OR5T1: variants seen among roughly 807,000 people sequenced by gnomAD.
The protein encoded by OR5T1 is olfactory receptor 5T1.
In OR5T1, 14 loss-of-function variants were observed where a neutral mutation model predicts 10.1. That is an observed-to-expected ratio of 1.39 (90% CI 0.92 to 2.18). The LOEUF is 2.18. OR5T1 is among the 30% of genes most tolerant of loss of function. The pLI, the probability that OR5T1 is intolerant of heterozygous loss-of-function variation, is 0.00. For missense variants in OR5T1, 461 were observed against 383.9 expected, an observed-to-expected ratio of 1.20 and a Z score of -1.68; for synonymous variants, 166 against 141.2, an observed-to-expected ratio of 1.18 and a Z score of -1.24.
In OR5T1 at chr11:56,276,732, G is replaced by C; in HGVS notation, c.*113G>C. The C allele has an allele frequency of 1.4e-6, 1 of 722,974 alleles. No individual in the cohort carries two copies. The highest frequency in any genetic ancestry group is 2.3e-6 in the Non-Finnish European group (1 of 442,536). The allele number at this position is 722,974 out of a possible 1,614,324, so 44.8% of individuals were successfully genotyped here. On this transcript the variant is annotated 3_prime_UTR_variant, in exon 3 of 3. Transcript: ENST00000641665. ...TAGTTAACAGTGCTTGTAACTTCTA[G>C]AATATTTTCAAATAAAGCATCAATC... is the stretch of plus-strand genomic sequence containing the variant.
At chr11:56,274,848 A>G (rs529440515) in intron 2 of OR5T1, 95 bp downstream of exon 2, 2 of 152,230 alleles carry the variant, frequency 1.3e-5, no homozygotes, top group African/African-American at 4.8e-5. Flanking sequence ...ATAAATTTTA[A>G]TATAAGCCTG....
Position 56,276,269 on chromosome 11 carries a change from T to G in OR5T1, c.631T>G (p.Phe211Val). 2.5e-6 allele frequency: 4 copies of G among 1,614,134 alleles called. No individual in the cohort carries two copies. Among genetic ancestry groups the G allele is most frequent in the South Asian group, 1.1e-5 (1 of 91,078 alleles). ...TGACACTCACGTAATCCAGCTTCTA[T>G]TCTTCTACTTTGTGGGCTCTATTGA... ...CSDTHVIQLLFFYFVGSIEIV... is the reference protein window; with the variant it reads ...CSDTHVIQLLVFYFVGSIEIV... The change falls in exon 3 of 3, where the codon TTC becomes GTC. Residue 211 changes from phenylalanine to valine, a missense_variant. Physicochemically the swap from Phe to Val is conservative, Grantham distance 50. Transcript: ENST00000641665.
chr11:56,276,430 T>C lies in OR5T1; in HGVS notation c.792T>C (p.His264=). ...GAHLTGVTIY[H]GTILFMYVRP... ...ACCTAACTGGAGTGACAATTTATCA[T>C]GGGACAATCCTCTTCATGTATGTGA... Residue 264 remains histidine (H), a synonymous_variant, in exon 3 of 3, where the codon CAT becomes CAC. Coordinates refer to ENST00000641665, the MANE Select transcript of OR5T1 (RefSeq NM_001004745.2). The C allele has an allele frequency of 6.2e-7, 1 of 1,614,084 alleles. No homozygotes were observed. Among genetic ancestry groups the C allele is most frequent in the Non-Finnish European group, 8.5e-7 (1 of 1,179,968 alleles).
Position 56,275,902 on chromosome 11 carries a change from T to TA in OR5T1, c.264_265insA (p.Val89SerfsTer14), listed in dbSNP as rs1853932137. On this transcript the variant is annotated frameshift_variant, in exon 3 of 3. Coordinates refer to ENST00000641665, the MANE Select transcript of OR5T1 (RefSeq NM_001004745.2). LOFTEE classifies it high-confidence loss of function. ...TCTTGGATGTCTGCTATTCTACAGT[T>TA]GTCACTCCAAAAATGTTGGTCAATT... 3 of 1,614,216 alleles carry TA rather than the reference T, an allele frequency of 1.9e-6. No homozygotes were observed. The highest frequency in any genetic ancestry group is 2.5e-6 in the Non-Finnish European group (3 of 1,180,030).
In OR5T1 at chr11:56,276,637, G is replaced by C. The variant is rs1425775485; in HGVS notation, c.*18G>C. The C allele has an allele frequency of 6.4e-7, 1 of 1,570,824 alleles. No individual in the cohort carries two copies. The highest frequency in any genetic ancestry group is 2.2e-5 in the East Asian group (1 of 44,588). ...AGTTATAGTTTTAAAATTGAGTAAA[G>C]TTGCAAATAATATTGGGTGTCAGTC... On this transcript the variant is annotated 3_prime_UTR_variant, in exon 3 of 3. Transcript: ENST00000641665.
rs1469840104 is a variant in OR5T1, at chr11:56,275,618, T to C, written c.-21T>C. The stretch of plus-strand genomic sequence containing the variant: ...AATTTTCACAGGCTGTTGCATTTAG[T>C]ACATATAAACAATAGCTAAAATGTC... On this transcript the variant is annotated 5_prime_UTR_variant, in exon 3 of 3. Coordinates refer to ENST00000641665, the MANE Select transcript of OR5T1 (RefSeq NM_001004745.2). 2.6e-6 allele frequency: 4 copies of C among 1,522,358 alleles called. No individual in the cohort carries two copies. The highest frequency in any genetic ancestry group is 3.5e-6 in the Non-Finnish European group (4 of 1,136,372). 94.3% of individuals were successfully genotyped at this position (1,522,358 alleles called of 1,614,324 possible).
Position 56,276,105 on chromosome 11 carries a change from T to A in OR5T1, c.467T>A (p.Leu156His). 6.2e-7 allele frequency: 1 copy of A among 1,614,182 alleles called. No homozygotes were observed. The highest frequency in any genetic ancestry group is 8.5e-7 in the Non-Finnish European group (1 of 1,180,034). Reference protein sequence around the residue: ...VSMSPRVYVPLITASYVASIL... With the variant: ...VSMSPRVYVPHITASYVASIL... ...ATGTCACCCAGAGTCTATGTGCCAC[T>A]CATCACTGCTTCCTATGTTGCTAGC... Residue 156 changes from leucine (L) to histidine (H), a missense_variant, in exon 3 of 3, where the codon CTC becomes CAC. Coordinates refer to ENST00000641665, the MANE Select transcript of OR5T1 (RefSeq NM_001004745.2).
Position 56,276,106 on chromosome 11 carries a change from C to T in OR5T1, c.468C>T (p.Leu156=), listed in dbSNP as rs1346444061. The change falls in exon 3 of 3, where the codon CTC becomes CTT. Residue 156 remains leucine, a synonymous_variant. Coordinates refer to ENST00000641665, the MANE Select transcript of OR5T1 (RefSeq NM_001004745.2). ...TGTCACCCAGAGTCTATGTGCCACT[C>T]ATCACTGCTTCCTATGTTGCTAGCA... The part of the protein sequence containing the change: ...VSMSPRVYVP[L]ITASYVASIL... 4 of 1,614,036 alleles carry T rather than the reference C, an allele frequency of 2.5e-6. No individual in the cohort carries two copies. The highest frequency in any genetic ancestry group is 1.6e-4 in the Middle Eastern group (1 of 6,084).
At position 56,276,797 on chromosome 11, in the gene OR5T1, T is replaced by G. The variant is rs1474951309; in HGVS notation, c.*178T>G. The stretch of plus-strand genomic sequence containing the variant: ...CCATTTTAGAAATATCAATATATTG[T>G]ATCATGTATAAAATATGGCTTGTAT... On this transcript the variant is annotated 3_prime_UTR_variant, in exon 3 of 3. Coordinates refer to ENST00000641665, the MANE Select transcript of OR5T1 (RefSeq NM_001004745.2). The G allele has an allele frequency of 3.4e-6, 2 of 588,614 alleles. No homozygotes were observed. The highest frequency in any genetic ancestry group is 6.0e-6 in the Non-Finnish European group (2 of 336,000). The allele number at this position is 588,614 out of a possible 1,614,324, so 36.5% of individuals were successfully genotyped here.
Position 56,276,098 on chromosome 11 carries a change from G to A in OR5T1, c.460G>A (p.Val154Met), listed in dbSNP as rs780858958. The A allele has an allele frequency of 5.0e-6, 8 of 1,614,138 alleles. No individual in the cohort carries two copies. Among genetic ancestry groups the A allele is most frequent in the South Asian group, 3.3e-5 (3 of 91,080 alleles). ...AGTGAGCATGTCACCCAGAGTCTAT[G>A]TGCCACTCATCACTGCTTCCTATGT... ...YSVSMSPRVY[V>M]PLITASYVAS... Residue 154 changes from valine to methionine, a missense_variant, in exon 3 of 3, where the codon GTG becomes ATG. By Grantham distance (21) the Val-to-Met change is conservative. Coordinates refer to ENST00000641665, the MANE Select transcript of OR5T1 (RefSeq NM_001004745.2).
Position 56,275,682 on chromosome 11 carries a change from T to G in OR5T1, c.44T>G (p.Leu15Ter). The G allele has an allele frequency of 6.2e-7, 1 of 1,606,846 alleles. No homozygotes were observed. The highest frequency in any genetic ancestry group is 8.5e-7 in the Non-Finnish European group (1 of 1,176,076). The change falls in exon 3 of 3, where the codon TTA becomes TGA. Residue 15 changes from leucine to a stop codon, truncating the protein, a stop_gained. Transcript: ENST00000641665. LOFTEE classifies it high-confidence loss of function. Reference sequence around the variant, plus strand: ...GATATGGATCTATACAAGCTTCAATTAAACAATTTTACTGAAGTCACCATG... The same window carrying G: ...GATATGGATCTATACAAGCTTCAATGAAACAATTTTACTGAAGTCACCATG... ...PSDMDLYKLQ[L>*]NNFTEVTMFI...
rs374592813 is a variant in OR5T1 at position 56,276,551 on chromosome 11, C to A, written c.913C>A (p.Arg305=). 1.9e-6 allele frequency: 3 copies of A among 1,612,380 alleles called. No homozygotes were observed. Among genetic ancestry groups the A allele is most frequent in the Non-Finnish European group, 2.5e-6 (3 of 1,178,624 alleles). The change falls in exon 3 of 3, where the codon CGG becomes AGG. Residue 305 remains arginine (R), a synonymous_variant. Coordinates refer to ENST00000641665, the MANE Select transcript of OR5T1 (RefSeq NM_001004745.2). Reference sequence around the variant, plus strand: ...GCTGAATCCCATCATCTACAGTTTGCGGAACAAAGATGTAAAGGAGGCAAT... The same window carrying A: ...GCTGAATCCCATCATCTACAGTTTGAGGAACAAAGATGTAAAGGAGGCAAT... ...PMLNPIIYSL[R]NKDVKEAIKR...
rs772889636 is a variant in OR5T1, at chr11:56,276,172, G to A, written c.534G>A (p.Leu178=). Residue 178 remains leucine, a synonymous_variant, in exon 3 of 3, where the codon CTG becomes CTA. Transcript: ENST00000641665. ...ATIHTVATFS[L]SFCGSNEIRH... ...TACATACAGTGGCTACATTTAGCCT[G>A]TCCTTCTGTGGATCCAATGAAATTA... The A allele has an allele frequency of 2.1e-5, 34 of 1,613,996 alleles. No individual in the cohort carries two copies. The highest frequency in any genetic ancestry group is 4.5e-5 in the East Asian group (2 of 44,876).
rs1853953316 is a variant in OR5T1, at chr11:56,276,572, G to T, written c.934G>T (p.Ala312Ser). ...TTTGCGGAACAAAGATGTAAAGGAG[G>T]CAATCAAAAGATTGCTTGTGAGAAA... ...YSLRNKDVKE[A>S]IKRLLVRNWF... The change falls in exon 3 of 3, where the codon GCA becomes TCA. Residue 312 changes from alanine to serine, a missense_variant. Physicochemically the swap from Ala to Ser is moderately conservative, Grantham distance 99. Coordinates refer to ENST00000641665, the MANE Select transcript of OR5T1 (RefSeq NM_001004745.2). The T allele has an allele frequency of 6.2e-7, 1 of 1,611,746 alleles. No individual in the cohort carries two copies. The highest frequency in any genetic ancestry group is 8.5e-7 in the Non-Finnish European group (1 of 1,178,952).
Position 56,276,226 on chromosome 11 carries a change from G to C in OR5T1, c.588G>C (p.Leu196=), listed in dbSNP as rs7125697. 1,102,235 of 1,613,712 alleles carry C rather than the reference G, an allele frequency of 0.68. 378,388 individuals are homozygous for C. Among genetic ancestry groups the C allele is most frequent in the East Asian group, 0.82 (36,939 of 44,836 alleles). ...IRHVFCNMPP[L]LAISCSDTHV... Reference sequence around the variant, plus strand: ...ATGTCTTTTGTAATATGCCTCCTCTGCTTGCTATTTCTTGTTCTGACACTC... The same window carrying C: ...ATGTCTTTTGTAATATGCCTCCTCTCCTTGCTATTTCTTGTTCTGACACTC... Residue 196 remains leucine, a synonymous_variant, in exon 3 of 3, where the codon CTG becomes CTC. Coordinates refer to ENST00000641665, the MANE Select transcript of OR5T1 (RefSeq NM_001004745.2).
Position 56,275,955 on chromosome 11 carries a change from T to A in OR5T1, c.317T>A (p.Phe106Tyr). The A allele has an allele frequency of 1.2e-6, 2 of 1,614,178 alleles. No individual in the cohort carries two copies. Among genetic ancestry groups the A allele is most frequent in the Non-Finnish European group, 1.7e-6 (2 of 1,180,044 alleles). ...NFLAKNKSIS[F>Y]LGCATQMFLA... ...CTGGCAAAAAATAAATCTATTTCAT[T>A]TCTTGGATGTGCAACACAGATGTTT... is the stretch of plus-strand genomic sequence containing the variant. Residue 106 changes from phenylalanine (F) to tyrosine (Y), a missense_variant, in exon 3 of 3, where the codon TTT becomes TAT. By Grantham distance (22) the Phe-to-Tyr change is conservative (BLOSUM62 3). Transcript: ENST00000641665.
Position 56,275,762 on chromosome 11 carries a change from T to C in OR5T1, c.124T>C (p.Leu42=), listed in dbSNP as rs1391427583. The part of the protein sequence containing the change: ...EFDVQVFLFL[L]FLAIYLFTLI... ...TGATGTGCAAGTCTTCCTATTTTTA[T>C]TATTTTTAGCAATCTATCTATTCAC... is the stretch of plus-strand genomic sequence containing the variant. Residue 42 remains leucine (L), a synonymous_variant, in exon 3 of 3, where the codon TTA becomes CTA. Coordinates refer to ENST00000641665, the MANE Select transcript of OR5T1 (RefSeq NM_001004745.2). 5.0e-6 allele frequency: 8 copies of C among 1,612,650 alleles called. No individual in the cohort carries two copies. The highest frequency in any genetic ancestry group is 5.9e-6 in the Non-Finnish European group (7 of 1,178,818).
chr11:56,276,672 A>ACT lies in OR5T1; in HGVS notation c.*53_*54insCT. On this transcript the variant is annotated 3_prime_UTR_variant, in exon 3 of 3. Coordinates refer to ENST00000641665, the MANE Select transcript of OR5T1 (RefSeq NM_001004745.2). ...ATATTGGGTGTCAGTCCACATCTCT[A>ACT]TGGTCAGAAAGTAGAGAAGAAAATG... The ACT allele has an allele frequency of 1.5e-6, 2 of 1,297,380 alleles. No homozygotes were observed. The highest frequency in any genetic ancestry group is 2.2e-6 in the Non-Finnish European group (2 of 925,874). The allele number at this position is 1,297,380 out of a possible 1,614,324, so 80.4% of individuals were successfully genotyped here. A position where few individuals can be genotyped will look rare whatever the true frequency, so the allele number is the denominator to read the frequency against.
rs752406520 is a variant in OR5T1 at position 56,276,203 on chromosome 11, G to A, written c.565G>A (p.Val189Ile). The change falls in exon 3 of 3, where the codon GTC (valine) becomes ATC (isoleucine). Residue 189 changes from valine (V) to isoleucine (I), a missense_variant. Transcript: ENST00000641665. The part of the protein sequence containing the change: ...SFCGSNEIRH[V>I]FCNMPPLLAI... ...CTGTGGATCCAATGAAATTAGGCAT[G>A]TCTTTTGTAATATGCCTCCTCTGCT... 39 of 1,613,954 alleles carry A rather than the reference G, an allele frequency of 2.4e-5. No homozygotes were observed. The highest frequency in any genetic ancestry group is 2.3e-4 in the South Asian group (21 of 91,078).
Sources: allele counts gnomAD v4.1 joint callset, GRCh38; gene constraint gnomAD v4.1.1; transcripts MANE v1.5; gene names NCBI Gene and HGNC (gene_info 2026-07-23, HGNC 2026-07-21).